Variants in ETV6 observed in about 807,000 individuals in gnomAD.
The protein encoded by ETV6 is transcription factor ETV6.
In ETV6, 16 loss-of-function variants were observed where a neutral mutation model predicts 51.1. The observed-to-expected ratio is 0.31, with a 90% CI of 0.21 to 0.48. ETV6 has a LOEUF of 0.48. Ranked by LOEUF, ETV6 falls within the 20% of genes least tolerant of loss-of-function variation. ETV6 has a pLI of 0.99. For synonymous variants in ETV6, 240 were observed against 224.1 expected (o/e 1.07, Z -0.64); for missense variants, 458 against 594.8 (o/e 0.77, Z 2.39).
chr12:11,725,166 T>G (rs1865465957), intron 1 of ETV6, among the ~76,000 whole-genome samples: 1 of 151,864 alleles, frequency 6.6e-6, no homozygotes, highest in Non-Finnish European at 1.5e-5. Flanking sequence ...TAGCTGTTTT[T>G]TTTTTTTTTC....
intron 1 of ETV6, among the ~76,000 whole-genome samples, chr12:11,749,029 A>C (rs964578772): frequency 3.9e-5 from 6 of 152,174 alleles, no homozygotes; most frequent in Non-Finnish European, 8.8e-5. Flanking sequence ...AATTGGCCTC[A>C]GAAATTGCAG....
intron 1 of ETV6, among the ~76,000 whole-genome samples, chr12:11,679,750 C>CA (rs1273458591): frequency 2.0e-5 from 3 of 152,190 alleles, no homozygotes; most frequent in Non-Finnish European, 4.4e-5. Context: ...CTTTCATAGA[C>CA]CATGTATCAG....
chr12:11,823,670 G>T (rs958602942), intron 2 of ETV6, among the ~76,000 whole-genome samples: 2 of 152,120 alleles, frequency 1.3e-5, no homozygotes, highest in Non-Finnish European at 2.9e-5. Context: ...GTTTCACTAT[G>T]TTGGCCAGGC....
chr12:11,708,684 C>T (rs1262902613), intron 1 of ETV6, among the ~76,000 whole-genome samples: 1 of 152,214 alleles, frequency 6.6e-6, no homozygotes, highest in Non-Finnish European at 1.5e-5. Context: ...TCTGACCTCT[C>T]AAGTCAACTT....
At position 11,891,062 on chromosome 12, in the gene ETV6, A is replaced by C. The variant is rs1256192459; in HGVS notation, c.*16A>C. On this transcript the variant is annotated 3_prime_UTR_variant, in exon 8 of 8. Transcript: ENST00000396373. Reference sequence around the variant, plus strand: ...TGAATGCTGAAGGAACCAACAGTCCACCTCAGCGGGCCAGCAGCCCAGGGA... The same window carrying C: ...TGAATGCTGAAGGAACCAACAGTCCCCCTCAGCGGGCCAGCAGCCCAGGGA... The C allele has an allele frequency of 6.3e-7, 1 of 1,594,492 alleles. No individual in the cohort carries two copies. Among genetic ancestry groups the C allele is most frequent in the Admixed American group, 1.7e-5 (1 of 59,808 alleles).
chr12:11,766,552 C>T (rs1340336679), intron 2 of ETV6, among the ~76,000 whole-genome samples: 2 of 152,222 alleles, frequency 1.3e-5, no homozygotes, highest in African/African-American at 4.8e-5. Context: ...CATTAGCTGC[C>T]ACCAGCTCCA....
intron 2 of ETV6, among the ~76,000 whole-genome samples, chr12:11,781,001 T>C (rs746747723): frequency 5.3e-5 from 8 of 152,244 alleles, no homozygotes; most frequent in Non-Finnish European, 7.3e-5. Context: ...TACAAGATGT[T>C]AGCAAACTAT....
At position 11,893,841 on chromosome 12, in the gene ETV6, T is replaced by C. The variant is rs1341996865; in HGVS notation, c.*2795T>C. 6,439 of 57,108 alleles carry C rather than the reference T, an allele frequency of 0.11. 554 individuals carry two copies. Among genetic ancestry groups the C allele is most frequent in the African/African-American group, 0.25 (3,954 of 15,570 alleles). The allele number at this position is 57,108 out of a possible 1,614,324, so 3.5% of individuals were successfully genotyped here. A position where few individuals can be genotyped will look rare whatever the true frequency, so the allele number is the denominator to read the frequency against. Reference sequence around the variant, plus strand: ...ATATATATATATATATATATATATATACACACACACACACATACACAAATA... The same window carrying C: ...ATATATATATATATATATATATATACACACACACACACACATACACAAATA... On this transcript the variant is annotated 3_prime_UTR_variant, in exon 8 of 8. Coordinates refer to ENST00000396373, the MANE Select transcript of ETV6 (RefSeq NM_001987.5).
intron 3 of ETV6, among the ~76,000 whole-genome samples, chr12:11,841,848 C>T (rs868730589): frequency 1.3e-5 from 2 of 151,990 alleles, no homozygotes; most frequent in South Asian, 2.1e-4. Context: ...TTTGGGAGGC[C>T]GAGGCGGGCG....
chr12:11,813,158 A>G (rs531766290), intron 2 of ETV6, among the ~76,000 whole-genome samples: 5 of 152,234 alleles, frequency 3.3e-5, no homozygotes, highest in Non-Finnish European at 5.9e-5. Flanking sequence ...CATTGTTTTC[A>G]AAGAGATACA....
At chr12:11,710,795 C>T (rs1393523164) in intron 1 of ETV6, among the ~76,000 whole-genome samples, 1 of 152,162 alleles carries the variant, frequency 6.6e-6, no homozygotes, top group African/African-American at 2.4e-5. Flanking sequence ...TTCTGGTGGC[C>T]ACAGTTCCTG....
Position 11,649,981 on chromosome 12 carries a change from A to T in ETV6, c.-147A>T. ...CGCCCCGCCCCGCCCCGCGCGCTCC[A>T]GACCCCCGGGGCGGCTGCCGGGAGA... On this transcript the variant is annotated 5_prime_UTR_variant, in exon 1 of 8. Transcript: ENST00000396373. The T allele has an allele frequency of 1.4e-6, 1 of 704,054 alleles. No individual in the cohort carries two copies. The highest frequency in any genetic ancestry group is 2.4e-6 in the Non-Finnish European group (1 of 412,394). 43.6% of individuals were successfully genotyped at this position (704,054 alleles called of 1,614,324 possible).
chr12:11,868,338 C>G (rs1047247250), intron 4 of ETV6, among the ~76,000 whole-genome samples: 4 of 151,946 alleles, frequency 2.6e-5, no homozygotes, highest in Non-Finnish European at 5.9e-5. Flanking sequence ...AACTTCTTTA[C>G]GCCTCAGTTT....
intron 2 of ETV6, among the ~76,000 whole-genome samples, chr12:11,814,448 T>C (rs761256411): frequency 9.8e-5 from 15 of 152,306 alleles, no homozygotes; most frequent in Non-Finnish European, 1.6e-4. Context: ...GAGTAAGTAT[T>C]GCAGACATGA....
In ETV6 at chr12:11,852,691, C is replaced by A. The variant is rs531692558; in HGVS notation, c.329-736C>A. Among the ~76,000 whole-genome samples the A allele has an allele frequency of 5.3e-5, 8 of 152,282 alleles. No individual in the cohort carries two copies. The South Asian group carries it at 1.7e-3, about 32-fold the overall frequency. Reference sequence around the variant, plus strand: ...AAATTGGGATAGTTTAAATTCCCTGCCATTGTTCGGCAGCTACTGAAGCAG... The same window carrying A: ...AAATTGGGATAGTTTAAATTCCCTGACATTGTTCGGCAGCTACTGAAGCAG... On this transcript the variant is annotated intron_variant, in intron 3 of 7. Coordinates refer to ENST00000396373, the MANE Select transcript of ETV6 (RefSeq NM_001987.5).
In ETV6 at chr12:11,893,877, CA is replaced by C. The variant is rs529597368; in HGVS notation, c.*2840del. ...ACACATACACAAATATTCCAGGATA[CA>C]AAAAAAAACATTTAAAAATCCGAGA... On this transcript the variant is annotated 3_prime_UTR_variant, in exon 8 of 8. Coordinates refer to ENST00000396373, the MANE Select transcript of ETV6 (RefSeq NM_001987.5). 2,126 of 153,894 alleles carry C rather than the reference CA, an allele frequency of 0.014. 114 individuals are homozygous for C. Among genetic ancestry groups the C allele is most frequent in the African/African-American group, 0.018 (602 of 34,286 alleles). 9.5% of individuals were successfully genotyped at this position (153,894 alleles called of 1,614,324 possible).
intron 2 of ETV6, among the ~76,000 whole-genome samples, chr12:11,807,008 A>G (rs1945838578): frequency 6.6e-6 from 1 of 152,270 alleles, no homozygotes; most frequent in East Asian, 1.9e-4. Flanking sequence ...GTCAAACAGA[A>G]TTGTCACATT....
Position 11,755,232 on chromosome 12 carries a change from C to T in ETV6, c.163+2653C>T, listed in dbSNP as rs954339304. 3.9e-5 allele frequency among the ~76,000 whole-genome samples: 6 copies of T among 152,162 alleles called. No individual in the cohort carries two copies. In the South Asian group the frequency reaches 8.3e-4, roughly 21 times the overall value. Reference sequence around the variant, plus strand: ...GTTGAATGGCTTGCATATCACCCTTCGAAGGATGGATGGGTCCCCACGTAG... The same window carrying T: ...GTTGAATGGCTTGCATATCACCCTTTGAAGGATGGATGGGTCCCCACGTAG... On this transcript the variant is annotated intron_variant, in intron 2 of 7. Coordinates refer to ENST00000396373, the MANE Select transcript of ETV6 (RefSeq NM_001987.5).
At chr12:11,778,903 G>T (rs1461019333) in intron 2 of ETV6, among the ~76,000 whole-genome samples, 1 of 152,310 alleles carries the variant, frequency 6.6e-6, no homozygotes, top group East Asian at 1.9e-4. Flanking sequence ...CCCTAGGGCT[G>T]CCCCCTTATT....
Sources: allele counts gnomAD v4.1 joint callset (sites outside exome capture counted in the v4.1 genomes callset), GRCh38; gene constraint gnomAD v4.1.1; transcripts MANE v1.5; gene names NCBI Gene and HGNC (gene_info 2026-07-23, HGNC 2026-07-21).